Variants in ZNF239 observed in about 807,000 individuals in gnomAD.
The protein encoded by ZNF239 is zinc finger protein 239.
In ZNF239, 16 loss-of-function variants were observed where a neutral mutation model predicts 27.5. That is an observed-to-expected ratio of 0.58 (90% CI 0.39 to 0.88). The LOEUF is 0.88. ZNF239 is among the 40% of genes least tolerant of loss of function. The pLI is 0.00. For synonymous variants in ZNF239, 199 were observed against 192.6 expected (o/e 1.03, Z -0.27); for missense variants, 527 against 551.9 (o/e 0.95, Z 0.45).
chr10:43,563,294 C>T (rs1413980227), intron 3 of ZNF239, among the ~76,000 whole-genome samples: 3 of 151,204 alleles, frequency 2.0e-5, no homozygotes, highest in Non-Finnish European at 4.4e-5. Context: ...CCAGCCTGGG[C>T]GACAGAGTGA....
chr10:43,564,686 G>A (rs923308951), intron 3 of ZNF239, among the ~76,000 whole-genome samples: 1 of 151,846 alleles, frequency 6.6e-6, no homozygotes, highest in Non-Finnish European at 1.5e-5. Flanking sequence ...TATGCCACCA[G>A]GCCCGGCTAA....
intron 2 of ZNF239, among the ~76,000 whole-genome samples, chr10:43,572,623 C>A (rs796556513): frequency 2.0e-5 from 3 of 152,296 alleles, no homozygotes; most frequent in African/African-American, 7.2e-5. Context: ...CACTTTCCTT[C>A]GGCTCTCTCA....
chr10:43,562,115 TA>T (rs1361441810), intron 3 of ZNF239, among the ~76,000 whole-genome samples: 1 of 152,012 alleles, frequency 6.6e-6, no homozygotes, highest in Admixed American at 6.6e-5. Flanking sequence ...GGAGGTAATA[TA>T]AAAAAGCTAC....
At chr10:43,571,051 C>T in intron 2 of ZNF239, 1 of 982,022 alleles carries the variant, frequency 1.0e-6, no homozygotes, top group South Asian at 4.7e-5. Context: ...CAACAGTCTT[C>T]CCAGGTATCA....
At chr10:43,563,002 A>T (rs1202058482) in intron 3 of ZNF239, among the ~76,000 whole-genome samples, 2 of 152,116 alleles carry the variant, frequency 1.3e-5, no homozygotes, top group Non-Finnish European at 2.9e-5. Flanking sequence ...GTTAGCTTTT[A>T]AAAAAATGTT....
intron 3 of ZNF239, among the ~76,000 whole-genome samples, chr10:43,558,962 C>G (rs1398136424): frequency 6.6e-6 from 1 of 152,030 alleles, no homozygotes; most frequent in Admixed American, 6.6e-5. Context: ...CACGAAAGCA[C>G]AGCAGAGGAA....
At chr10:43,567,534 C>T (rs1192712644) in intron 3 of ZNF239, among the ~76,000 whole-genome samples, 3 of 152,118 alleles carry the variant, frequency 2.0e-5, no homozygotes, top group African/African-American at 4.8e-5. Context: ...ACTCCTGGAA[C>T]GTTGAAAAAG....
In ZNF239 at chr10:43,556,653, A is replaced by G. The variant is rs747837903; in HGVS notation, c.*50T>C. ...AAGTAAGAGTGATACTAAATATTTA[A>G]CAGTTTTTACAGTATGAGCGCTGTG... On this transcript the variant is annotated 3_prime_UTR_variant, in exon 4 of 4. Transcript: ENST00000374446. The G allele has an allele frequency of 4.5e-6, 7 of 1,558,678 alleles. No individual in the cohort carries two copies. The highest frequency in any genetic ancestry group is 6.1e-6 in the Non-Finnish European group (7 of 1,152,806).
intron 3 of ZNF239, chr10:43,564,171 C>T: frequency 2.6e-6 from 1 of 382,602 alleles, no homozygotes; most frequent in Non-Finnish European, 3.6e-6. Context: ...GATCCCTTAG[C>T]TCCCAGTTTA....
chr10:43,558,179 AC>A lies in ZNF239; in HGVS notation c.-92-9del. 1 of 1,470,578 alleles carries A rather than the reference AC, an allele frequency of 6.8e-7. No homozygotes were observed. The highest frequency in any genetic ancestry group is 2.6e-5 in the Admixed American group (1 of 37,784). 91.1% of individuals were successfully genotyped at this position (1,470,578 alleles called of 1,614,324 possible). A position where few individuals can be genotyped will look rare whatever the true frequency, so the allele number is the denominator to read the frequency against. ...AATTTTCATTCAAGTCTCCTAGGGA[AC>A]AAAGACAATTCAGTGGTAAGAACAA... On this transcript the variant is annotated splice_polypyrimidine_tract_variant and intron_variant, in intron 3 of 3. Coordinates refer to ENST00000374446, the MANE Select transcript of ZNF239 (RefSeq NM_001099282.2).
chr10:43,557,864 T>C lies in ZNF239; in HGVS notation c.216A>G (p.Ile72Met), dbSNP rs1046669669. Residue 72 changes from isoleucine to methionine, a missense_variant, in exon 4 of 4, where the codon ATA becomes ATG. Ile to Met is a conservative substitution (Grantham distance 10). Coordinates refer to ENST00000374446, the MANE Select transcript of ZNF239 (RefSeq NM_001099282.2). The part of the protein sequence containing the change: ...TYLPLKVSSQ[I>M]DTQDSSVKFC... Reference sequence around the variant, plus strand: ...ACTTCACTGAAGAGTCTTGTGTGTCTATTTGGCTTGAGACTTTCAAAGGCA... The same window carrying C: ...ACTTCACTGAAGAGTCTTGTGTGTCCATTTGGCTTGAGACTTTCAAAGGCA... 39 of 1,614,122 alleles carry C rather than the reference T, an allele frequency of 2.4e-5. No individual in the cohort carries two copies. The highest frequency in any genetic ancestry group is 3.1e-5 in the Non-Finnish European group (36 of 1,180,040).
chr10:43,556,887 G>A lies in ZNF239; in HGVS notation c.1193C>T (p.Thr398Ile). Residue 398 changes from threonine to isoleucine, a missense_variant, in exon 4 of 4, where the codon ACT (threonine) becomes ATT (isoleucine). Physicochemically the swap from Thr to Ile is moderately conservative, Grantham distance 89. Transcript: ENST00000374446. Reference protein sequence around the residue: ...SDLRIHLRVHTGEKPYHCGKC... With the variant: ...SDLRIHLRVHIGEKPYHCGKC... The stretch of plus-strand genomic sequence containing the variant: ...GCCACAGTGATAGGGCTTCTCTCCA[G>A]TGTGGACTCTGAGATGGATGCGAAG... The A allele has an allele frequency of 6.2e-7, 1 of 1,613,926 alleles. No homozygotes were observed. The highest frequency in any genetic ancestry group is 8.5e-7 in the Non-Finnish European group (1 of 1,179,978).
At chr10:43,559,537 C>A (rs1837068016) in intron 3 of ZNF239, among the ~76,000 whole-genome samples, 1 of 152,160 alleles carries the variant, frequency 6.6e-6, no homozygotes, top group Non-Finnish European at 1.5e-5. Flanking sequence ...GGCAGCAGAA[C>A]TGCCTTGTAT....
intron 3 of ZNF239, among the ~76,000 whole-genome samples, chr10:43,561,575 G>A (rs1036881274): frequency 3.3e-5 from 5 of 152,112 alleles, no homozygotes; most frequent in Non-Finnish European, 2.9e-5. Context: ...TTTCAGACAC[G>A]AAAAGATTCA....
chr10:43,572,020 A>G (rs752428701), intron 2 of ZNF239, among the ~76,000 whole-genome samples: 33 of 152,246 alleles, frequency 2.2e-4, no homozygotes, highest in Admixed American at 3.9e-4. Context: ...ACCACAGTTC[A>G]TAAGGGCGAA....
At position 43,557,761 on chromosome 10, in the gene ZNF239, T is replaced by C. The variant is rs777164718; in HGVS notation, c.319A>G (p.Ile107Val). Residue 107 changes from isoleucine (I) to valine (V), a missense_variant, in exon 4 of 4, where the codon ATA becomes GTA. By Grantham distance (29) the Ile-to-Val change is conservative. Transcript: ENST00000374446. The stretch of plus-strand genomic sequence containing the variant: ...TTCTCTGAACAACTTTCCCCCTTTA[T>C]CACTTTTCTCTCAGTGCTTTCTTCC... ...VMEESTERKVIKGESCSENLQ... is the reference protein window; with the variant it reads ...VMEESTERKVVKGESCSENLQ... 18 of 1,614,060 alleles carry C rather than the reference T, an allele frequency of 1.1e-5. No homozygotes were observed. Among genetic ancestry groups the C allele is most frequent in the Non-Finnish European group, 1.5e-5 (18 of 1,180,042 alleles).
intron 2 of ZNF239, chr10:43,571,092 C>T (rs1838003238): frequency 1.2e-6 from 1 of 844,480 alleles, no homozygotes; most frequent in Middle Eastern, 6.0e-4. Context: ...CAAGGCTGTG[C>T]TCCTGCTTAC....
intron 3 of ZNF239, among the ~76,000 whole-genome samples, chr10:43,560,457 C>A (rs979843580): frequency 6.6e-6 from 1 of 152,010 alleles, no homozygotes; most frequent in Non-Finnish European, 1.5e-5. Flanking sequence ...TAAAAAATGG[C>A]CTACACCACT....
chr10:43,559,584 G>A (rs1250619035), intron 3 of ZNF239, among the ~76,000 whole-genome samples: 1 of 152,142 alleles, frequency 6.6e-6, no homozygotes, highest in Non-Finnish European at 1.5e-5. Context: ...TGCAGTACTG[G>A]TCCGTAAGCT....
Sources: allele counts gnomAD v4.1 joint callset (sites outside exome capture counted in the v4.1 genomes callset), GRCh38; gene constraint gnomAD v4.1.1; transcripts MANE v1.5; gene names NCBI Gene and HGNC (gene_info 2026-07-23, HGNC 2026-07-21).